The following SLC36A2 variants were observed in gnomAD, a reference collection of about 807,000 sequenced individuals.
SLC36A2 encodes the protein proton-coupled amino acid transporter 2.
A neutral mutation model predicts 42.7 loss-of-function variants in SLC36A2; 39 were observed. The ratio of observed to expected loss-of-function variants is 0.91; its 90% confidence interval spans 0.71 to 1.19. SLC36A2 has a LOEUF of 1.19. SLC36A2 is among the 50% of genes most tolerant of loss of function. The probability of loss-of-function intolerance (pLI) is 0.00; values close to 1 mark genes in which losing one functional copy is unlikely to be tolerated. For synonymous variants in SLC36A2, 237 were observed against 240.8 expected (o/e 0.98, Z 0.15); for missense variants, 590 against 613.7 (o/e 0.96, Z 0.41).
At chr5:151,336,246 C>T (rs1756152060) in intron 5 of SLC36A2, among the ~76,000 whole-genome samples, 1 of 152,074 alleles carries the variant, frequency 6.6e-6, no homozygotes, top group African/African-American at 2.4e-5. Context: ...AGACCCTCTT[C>T]CAGGAATCTG....
chr5:151,318,867 G>A (rs1200759019), intron 9 of SLC36A2, among the ~76,000 whole-genome samples: 3 of 152,108 alleles, frequency 2.0e-5, no homozygotes, highest in Non-Finnish European at 4.4e-5. Context: ...TTAGCAGGAC[G>A]TTTTACAGAC....
chr5:151,321,949 A>T (rs1755705159), intron 9 of SLC36A2, 97 bp downstream of exon 9: 1 of 1,518,666 alleles, frequency 6.6e-7, no homozygotes, highest in African/African-American at 1.4e-5. Flanking sequence ...AAGTGCCAGG[A>T]TTACAGGTGT....
chr5:151,320,224 A>G (rs1755645897), intron 9 of SLC36A2, among the ~76,000 whole-genome samples: 1 of 152,168 alleles, frequency 6.6e-6, no homozygotes, highest in Admixed American at 6.5e-5. Context: ...AGCAGCAGCC[A>G]CCCTTAAATT....
At chr5:151,344,706 G>A (rs1187097712) in intron 1 of SLC36A2, among the ~76,000 whole-genome samples, 2 of 152,158 alleles carry the variant, frequency 1.3e-5, no homozygotes, top group South Asian at 4.1e-4. Context: ...CTTCTGCTGA[G>A]CTGCCTCCCA....
intron 1 of SLC36A2, among the ~76,000 whole-genome samples, chr5:151,344,987 G>C (rs1041303126): frequency 1.3e-4 from 20 of 152,110 alleles, no homozygotes; most frequent in African/African-American, 4.6e-4. Context: ...TCTCAGCCCA[G>C]GGCATCAAGG....
intron 7 of SLC36A2, among the ~76,000 whole-genome samples, chr5:151,328,340 G>A (rs1011658949): frequency 1.3e-5 from 2 of 152,190 alleles, no homozygotes; most frequent in Non-Finnish European, 2.9e-5. Flanking sequence ...AAGAAAAAAT[G>A]ACTGTCATGG....
Position 151,327,731 on chromosome 5 carries a change from T to C in SLC36A2, c.844-2279A>G, listed in dbSNP as rs538132917. On this transcript the variant is annotated intron_variant, in intron 7 of 9. Coordinates refer to ENST00000335244, the MANE Select transcript of SLC36A2 (RefSeq NM_181776.3). The stretch of plus-strand genomic sequence containing the variant: ...ATCTTTTCACAAGGCCTGCTCAGAC[T>C]GGGTAGCTGGCTTCCTTTCTTTCTC... Among the ~76,000 whole-genome samples, 3 of 152,340 alleles carry C rather than the reference T, an allele frequency of 2.0e-5. No homozygotes were observed. The East Asian group carries it at 5.8e-4, about 29-fold the overall frequency.
At chr5:151,325,666 G>A (rs1486549541) in intron 7 of SLC36A2, among the ~76,000 whole-genome samples, 1 of 152,176 alleles carries the variant, frequency 6.6e-6, no homozygotes, top group Non-Finnish European at 1.5e-5. Flanking sequence ...AAATGTGGGT[G>A]TATCCATGCA....
intron 9 of SLC36A2, chr5:151,318,961 T>C (rs545083940): frequency 6.4e-6 from 1 of 155,042 alleles, no homozygotes; most frequent in South Asian, 2.0e-4. Flanking sequence ...CAGGCCTCCT[T>C]TGGAGGAGTG....
chr5:151,343,347 G>C (rs1359575785), intron 3 of SLC36A2, among the ~76,000 whole-genome samples, 163 bp downstream of exon 3: 2 of 152,194 alleles, frequency 1.3e-5, no homozygotes, highest in Non-Finnish European at 2.9e-5. Context: ...GAGCCATGCA[G>C]AAGAGCCTCA....
chr5:151,332,996 T>G (rs1756040046), intron 7 of SLC36A2, among the ~76,000 whole-genome samples: 1 of 152,222 alleles, frequency 6.6e-6, no homozygotes, highest in Non-Finnish European at 1.5e-5. Context: ...AATAGGCATG[T>G]GGGGACAAAA....
intron 8 of SLC36A2, among the ~76,000 whole-genome samples, chr5:151,324,612 A>G (rs1221310): frequency 4.2e-4 from 64 of 152,198 alleles, no homozygotes; most frequent in African/African-American, 1.5e-3. Flanking sequence ...GATTACAGGC[A>G]TGAGCCATCA....
At chr5:151,339,882 C>A (rs1328540315) in intron 4 of SLC36A2, among the ~76,000 whole-genome samples, 1 of 152,168 alleles carries the variant, frequency 6.6e-6, no homozygotes, top group African/African-American at 2.4e-5. Context: ...GGTTTATAGA[C>A]TAATGGGTTA....
intron 9 of SLC36A2, chr5:151,319,024 C>G (rs1755602607): frequency 3.4e-6 from 1 of 290,168 alleles, no homozygotes; most frequent in Admixed American, 6.5e-5. Flanking sequence ...TCTTGTATGG[C>G]CTTGCCCAAG....
At chr5:151,332,049 T>G (rs1756011723) in intron 7 of SLC36A2, among the ~76,000 whole-genome samples, 1 of 152,112 alleles carries the variant, frequency 6.6e-6, no homozygotes, top group African/African-American at 2.4e-5. Flanking sequence ...GCATTTTTAG[T>G]AGAGACGGGG....
intron 7 of SLC36A2, among the ~76,000 whole-genome samples, chr5:151,326,166 G>A (rs770740872): frequency 3.3e-5 from 5 of 152,176 alleles, no homozygotes; most frequent in Non-Finnish European, 5.9e-5. Flanking sequence ...GGGCCACTGA[G>A]GTTTTATCCA....
chr5:151,333,393 CT>C, intron 6 of SLC36A2, 71 bp from the exon 7 acceptor site: 2 of 1,317,520 alleles, frequency 1.5e-6, no homozygotes, highest in Non-Finnish European at 2.2e-6. Flanking sequence ...GAGAAGGGTA[CT>C]CTGAAATGAG....
intron 8 of SLC36A2, among the ~76,000 whole-genome samples, chr5:151,323,422 G>A (rs552158610): frequency 6.6e-6 from 1 of 152,224 alleles, no homozygotes; most frequent in East Asian, 1.9e-4. Flanking sequence ...CCAAGTTTTT[G>A]AAATTCCCCT....
At chr5:151,344,295 A>T in intron 1 of SLC36A2, 28 bp from the exon 2 acceptor site, 1 of 1,583,746 alleles carries the variant, frequency 6.3e-7, no homozygotes, top group Non-Finnish European at 8.7e-7. Context: ...GATGTGAAGT[A>T]TGGGTGTGTG....
Sources: gnomAD v4.1 joint callset for allele counts (sites outside exome capture counted in the v4.1 genomes callset) on GRCh38, gnomAD v4.1.1 for gene constraint, MANE v1.5 for transcripts, NCBI Gene and HGNC (gene_info 2026-07-23, HGNC 2026-07-21) for gene names.